The following IQSEC3 variants were observed in gnomAD, a reference collection of about 807,000 sequenced individuals.
IQSEC3 encodes IQ motif and SEC7 domain-containing protein 3.
A neutral mutation model predicts 105.4 loss-of-function variants in IQSEC3; 50 were observed. The observed-to-expected ratio is 0.47, with a 90% CI of 0.38 to 0.60. The LOEUF (loss-of-function observed/expected upper bound fraction) is 0.60, where lower values mean the gene tolerates loss of function less well. Among genes scored for constraint, IQSEC3 ranks in the 20% least tolerant of loss-of-function variants. The pLI, the probability that IQSEC3 is intolerant of heterozygous loss-of-function variation, is 0.00. For synonymous variants in IQSEC3, 708 were observed against 746.0 expected, an observed-to-expected ratio of 0.95 and a Z score of 0.83; for missense variants, 1,415 against 1,630.0, an observed-to-expected ratio of 0.87 and a Z score of 2.27.
rs1306322623 is a variant in IQSEC3, at chr12:66,823, G to C, written c.-60G>C. The C allele has an allele frequency of 7.6e-7, 1 of 1,322,812 alleles. No individual in the cohort carries two copies. The highest frequency in any genetic ancestry group is 1.6e-5 in the African/African-American group (1 of 64,438). 81.9% of individuals were successfully genotyped at this position (1,322,812 alleles called of 1,614,324 possible). A position where few individuals can be genotyped will look rare whatever the true frequency, so the allele number is the denominator to read the frequency against. The stretch of plus-strand genomic sequence containing the variant: ...GACCGCTGGGCTGCTGGGCTCCCGC[G>C]CCCTCGCGCTCCCCGCCGCCAGCCC... On this transcript the variant is annotated 5_prime_UTR_variant, in exon 1 of 14. Transcript: ENST00000538872.
At chr12:123,810 G>GTCC (rs1865294792) in intron 2 of IQSEC3, among the ~76,000 whole-genome samples, 1 of 151,906 alleles carries the variant, frequency 6.6e-6, no homozygotes, top group Non-Finnish European at 1.5e-5. Flanking sequence ...GGTTGCAGCT[G>GTCC]TCCTGCACCA....
At chr12:118,844 G>A (rs1865130575) in intron 2 of IQSEC3, among the ~76,000 whole-genome samples, 1 of 152,222 alleles carries the variant, frequency 6.6e-6, no homozygotes, top group Non-Finnish European at 1.5e-5. Context: ...GCTCCTGGCA[G>A]TGGGCAATGT....
At chr12:134,112 G>A (rs140622248) in intron 3 of IQSEC3, among the ~76,000 whole-genome samples, 1 of 152,232 alleles carries the variant, frequency 6.6e-6, no homozygotes, top group African/African-American at 2.4e-5. Flanking sequence ...ACACACAAAG[G>A]AGGCAGGAGC....
At chr12:130,498 G>A (rs779615149) in intron 3 of IQSEC3, among the ~76,000 whole-genome samples, 4 of 152,208 alleles carry the variant, frequency 2.6e-5, no homozygotes, top group Non-Finnish European at 5.9e-5. Flanking sequence ...GCATTACAGT[G>A]AGGAACAGGC....
Position 139,022 on chromosome 12 carries a change from AT to A in IQSEC3, c.1660del (p.Cys554AlafsTer44). The A allele has an allele frequency of 6.6e-7, 1 of 1,508,850 alleles. No homozygotes were observed. Among genetic ancestry groups the A allele is most frequent in the South Asian group, 1.3e-5 (1 of 78,538 alleles). 93.5% of individuals were successfully genotyped at this position (1,508,850 alleles called of 1,614,324 possible). A position where few individuals can be genotyped will look rare whatever the true frequency, so the allele number is the denominator to read the frequency against. ...GGGAGGACGCGTCAGCCGAGGACTC[AT>A]GCGCAGAGGCTGCGGCTAGTGGGGC... ...GREDASAEDS[C>X]AEAAASGAAD... On this transcript the variant is annotated frameshift_variant, in exon 4 of 14. Transcript: ENST00000538872. LOFTEE classifies it high-confidence loss of function.
In IQSEC3 at chr12:151,251, T is replaced by C. The variant is rs1345993034; in HGVS notation, c.2154-5774T>C. Among the ~76,000 whole-genome samples, 3 of 139,874 alleles carry C rather than the reference T, an allele frequency of 2.1e-5. 1 individual carries two copies. The highest frequency in any genetic ancestry group is 7.9e-5 in the African/African-American group (3 of 38,036). 91.8% of individuals were successfully genotyped at this position (139,874 alleles called of 152,430 possible). On this transcript the variant is annotated intron_variant, in intron 5 of 13. Transcript: ENST00000538872. Reference sequence around the variant, plus strand: ...ACCTCAGACTTCGTGTGCCCCAAGATGGAGACTCCGTCTCTCCTCCAGCGT... The same window carrying C: ...ACCTCAGACTTCGTGTGCCCCAAGACGGAGACTCCGTCTCTCCTCCAGCGT...
chr12:78,026 C>T lies in IQSEC3; in HGVS notation c.554+10590C>T, dbSNP rs868926324. Among the ~76,000 whole-genome samples, 1,300 of 151,342 alleles carry T rather than the reference C, an allele frequency of 8.6e-3. 17 individuals carry two copies. Among genetic ancestry groups the T allele is most frequent in the African/African-American group, 0.03 (1,231 of 41,418 alleles). On this transcript the variant is annotated intron_variant, in intron 1 of 13. Transcript: ENST00000538872. Reference sequence around the variant, plus strand: ...GACCTGCACCCCGGCGCGGGGAAGCCGCGTGCCCACAGCCTCCGCGCGCCC... The same window carrying T: ...GACCTGCACCCCGGCGCGGGGAAGCTGCGTGCCCACAGCCTCCGCGCGCCC...
chr12:117,212 G>A (rs1401429203), intron 2 of IQSEC3, among the ~76,000 whole-genome samples: 3 of 152,136 alleles, frequency 2.0e-5, no homozygotes, highest in Non-Finnish European at 4.4e-5. Flanking sequence ...AAGAGCAGAC[G>A]TGAAAGGTGA....
At chr12:113,699 C>T (rs746643621) in intron 2 of IQSEC3, among the ~76,000 whole-genome samples, 5 of 152,254 alleles carry the variant, frequency 3.3e-5, no homozygotes, top group Non-Finnish European at 7.3e-5. Flanking sequence ...TATGAATTTA[C>T]GAATTTGTAA....
At chr12:156,215 G>A (rs1319759312) in intron 5 of IQSEC3, among the ~76,000 whole-genome samples, 1 of 152,112 alleles carries the variant, frequency 6.6e-6, no homozygotes, top group Non-Finnish European at 1.5e-5. Flanking sequence ...ACCCCCCAGG[G>A]TTGGAGGCAG....
intron 1 of IQSEC3, among the ~76,000 whole-genome samples, chr12:87,846 T>G (rs577696770): frequency 2.6e-5 from 4 of 152,350 alleles, no homozygotes; most frequent in South Asian, 2.1e-4. Flanking sequence ...CTACCATGTA[T>G]TAGCCGTGTT....
intron 11 of IQSEC3, chr12:167,173 C>G (rs1555098744): frequency 6.6e-6 from 1 of 152,164 alleles, no homozygotes. Flanking sequence ...TTTTCAAGGG[C>G]TGGACCGGAT....
chr12:161,791 AT>A (rs1565445734), intron 7 of IQSEC3, 134 bp from the exon 8 acceptor site: 2 of 781,202 alleles, frequency 2.6e-6, no homozygotes, highest in Non-Finnish European at 4.1e-6. Flanking sequence ...GGCACCAGCC[AT>A]TGAAGGCATG....
In IQSEC3 at chr12:141,223, C is replaced by T. The variant is rs1555089129; in HGVS notation, c.2091C>T (p.Ser697=). The change falls in exon 5 of 14, where the codon AGC becomes AGT. Residue 697 remains serine (S), a synonymous_variant. Coordinates refer to ENST00000538872, the MANE Select transcript of IQSEC3 (RefSeq NM_001170738.2). ...TCCTCCTCCAGCGAAAGGGCCTCAG[C>T]CGCCAGATGATTGGAGAGTTCCTGG... The part of the protein sequence containing the change: ...AHFLLQRKGL[S]RQMIGEFLGN... 7 of 1,613,926 alleles carry T rather than the reference C, an allele frequency of 4.3e-6. No individual in the cohort carries two copies. The highest frequency in any genetic ancestry group is 1.7e-5 in the Admixed American group (1 of 59,978).
At chr12:126,966 C>A (rs190254041) in intron 3 of IQSEC3, among the ~76,000 whole-genome samples, 45 of 152,280 alleles carry the variant, frequency 3.0e-4, no homozygotes, top group Admixed American at 3.3e-4. Flanking sequence ...AGTGTTTGAC[C>A]AAATCCCCCA....
chr12:116,827 A>C (rs1197936968), intron 2 of IQSEC3, among the ~76,000 whole-genome samples: 1 of 152,210 alleles, frequency 6.6e-6, no homozygotes, highest in African/African-American at 2.4e-5. Flanking sequence ...TTATGTAAAG[A>C]CAAGGGGGGC....
At chr12:70,499 C>T (rs1863271458) in intron 1 of IQSEC3, among the ~76,000 whole-genome samples, 2 of 152,264 alleles carry the variant, frequency 1.3e-5, no homozygotes, top group South Asian at 2.1e-4. Context: ...TAAGCTCTGA[C>T]CCCCACTGCT....
At chr12:174,259 G>A (rs1372518389) in intron 13 of IQSEC3, among the ~76,000 whole-genome samples, 1 of 152,152 alleles carries the variant, frequency 6.6e-6, no homozygotes, top group East Asian at 1.9e-4. Context: ...CTGCTTTCAA[G>A]CTCAGAGTGT....
At chr12:128,745 G>A (rs1357928876) in intron 3 of IQSEC3, among the ~76,000 whole-genome samples, 1 of 152,114 alleles carries the variant, frequency 6.6e-6, no homozygotes, top group Admixed American at 6.5e-5. Context: ...TTGCCTGCAC[G>A]CCGGGAGACC....
Sources: gnomAD v4.1 joint callset for allele counts (sites outside exome capture counted in the v4.1 genomes callset) on GRCh38, gnomAD v4.1.1 for gene constraint, MANE v1.5 for transcripts, NCBI Gene and HGNC (gene_info 2026-07-23, HGNC 2026-07-21) for gene names.